Variants in DPRX observed in about 807,000 individuals in gnomAD.
DPRX encodes the protein divergent paired-related homeobox.
DPRX carries 11 observed loss-of-function variants against 8.4 expected under a neutral mutation model. That is an observed-to-expected ratio of 1.31 (90% confidence interval 0.82 to 2.17). The LOEUF is 2.17. DPRX is among the 30% of genes most tolerant of loss of function. DPRX has a pLI of 0.00. For missense variants in DPRX, 211 were observed against 236.7 expected (o/e 0.89, Z 0.71); for synonymous variants, 72 against 87.0 (o/e 0.83, Z 0.96).
chr19:53,633,160 T>G (rs8103231), intron 1 of DPRX, among the ~76,000 whole-genome samples: 128,581 of 152,076 alleles, frequency 0.85, 55,042 homozygotes, highest in East Asian at 0.95. Flanking sequence ...GCCGGGCATG[T>G]CAGTGTTGTG....
the DPRX span, among the ~76,000 whole-genome samples, chr19:53,608,603 G>T: frequency 6.6e-6 from 1 of 152,184 alleles, no homozygotes; most frequent in Non-Finnish European, 1.5e-5. Context: ...AGATGGAAGT[G>T]GCAGCTGCAC....
At position 53,636,596 on chromosome 19, in the gene DPRX, G is replaced by A. The variant is rs779696506; in HGVS notation, c.184G>A (p.Val62Ile). 7 of 1,605,378 alleles carry A rather than the reference G, an allele frequency of 4.4e-6. No homozygotes were observed. In the East Asian group the frequency reaches 1.1e-4, roughly 26 times the overall value. The change falls in exon 3 of 3, where the codon GTC (valine) becomes ATC (isoleucine). Residue 62 changes from valine to isoleucine, a missense_variant and splice_region_variant. Val to Ile is a conservative substitution (Grantham distance 29). Transcript: ENST00000376650. ...ATTCTCTTCTCTCTCTTCCCTTCAG[G>A]TCTGGTTCAAGAATCACAGAGCAAA...
At chr19:53,625,482 C>T in the DPRX span, among the ~76,000 whole-genome samples, 1,029 of 152,134 alleles carry the variant, frequency 6.8e-3, 11 homozygotes, top group African/African-American at 0.023. Flanking sequence ...TTCATGGGTG[C>T]ATTATACAAG....
the DPRX span, among the ~76,000 whole-genome samples, chr19:53,618,832 G>C: frequency 2.0e-5 from 3 of 151,758 alleles, no homozygotes; most frequent in African/African-American, 7.3e-5. Context: ...ACAGGCATAC[G>C]CCACCAAACC....
At chr19:53,611,743 C>T in the DPRX span, among the ~76,000 whole-genome samples, 1 of 152,112 alleles carries the variant, frequency 6.6e-6, no homozygotes, top group African/African-American at 2.4e-5. Context: ...TCCTGTTGCT[C>T]ACAGGATGGA....
At chr19:53,601,631 A>G in the DPRX span, among the ~76,000 whole-genome samples, 2 of 151,620 alleles carry the variant, frequency 1.3e-5, no homozygotes, top group African/African-American at 2.4e-5. Flanking sequence ...ACCGGCACAC[A>G]CCACCATGCC....
the DPRX span, among the ~76,000 whole-genome samples, chr19:53,620,740 GTGC>G: frequency 6.6e-6 from 1 of 152,022 alleles, no homozygotes; most frequent in African/African-American, 2.4e-5. Context: ...CCAGGCTGGA[GTGC>G]AGTGGCATGA....
chr19:53,621,682 G>T, the DPRX span, among the ~76,000 whole-genome samples: 1 of 151,970 alleles, frequency 6.6e-6, no homozygotes, highest in Non-Finnish European at 1.5e-5. Flanking sequence ...CTGCTAGGGA[G>T]GTTGAGGCAG....
At chr19:53,606,666 C>G in the DPRX span, 1 of 151,216 alleles carries the variant, frequency 6.6e-6, no homozygotes, top group East Asian at 1.9e-4. The surrounding 1 kb of genome is among the most constrained non-coding windows in gnomAD (Gnocchi z 4.8). Flanking sequence ...GGGTGGAGGG[C>G]TTCTTCTCCT....
In DPRX at chr19:53,632,449, C is replaced by T. The variant is rs945807315; in HGVS notation, c.28+315C>T. On this transcript the variant is annotated intron_variant, in intron 1 of 2. Coordinates refer to ENST00000376650, the Ensembl canonical transcript of DPRX. ...CCGAGTAGCTGGGATGACAGGCACA[C>T]GCCACCACACCTGGCTAATTTTTTT... 4.1e-5 allele frequency among the ~76,000 whole-genome samples: 6 copies of T among 147,852 alleles called. No homozygotes were observed. In the South Asian group the frequency reaches 6.6e-4, roughly 16 times the overall value.
chr19:53,606,731 G>A, the DPRX span: 1 of 149,828 alleles, frequency 6.7e-6, no homozygotes, highest in African/African-American at 2.5e-5. The surrounding 1 kb of genome is among the most constrained non-coding windows in gnomAD (Gnocchi z 4.8). Flanking sequence ...TCTCCTGCGG[G>A]ACAGGTATAT....
intron 2 of DPRX, 61 bp from the exon 3 acceptor site, chr19:53,636,535 T>A (rs566535716): frequency 4.0e-5 from 53 of 1,314,470 alleles, no homozygotes; most frequent in Middle Eastern, 5.9e-4. Context: ...AAAAATTTTT[T>A]AAAAATAGAA....
At chr19:53,603,194 T>C in the DPRX span, among the ~76,000 whole-genome samples, 1 of 151,518 alleles carries the variant, frequency 6.6e-6, no homozygotes, top group Non-Finnish European at 1.5e-5. Context: ...TGGGATTCCA[T>C]GTGTAATCCA....
At chr19:53,628,932 A>G (rs559717338), upstream of DPRX, among the ~76,000 whole-genome samples, 129 of 152,052 alleles carry the variant, frequency 8.5e-4, no homozygotes, top group African/African-American at 3.0e-3. Flanking sequence ...ATAAGCAGGT[A>G]TTCCCCACTC....
At chr19:53,620,348 T>C in the DPRX span, among the ~76,000 whole-genome samples, 4 of 151,910 alleles carry the variant, frequency 2.6e-5, no homozygotes, top group East Asian at 7.8e-4. Flanking sequence ...ACATTACAGG[T>C]GTGAGCCACC....
the DPRX span, among the ~76,000 whole-genome samples, chr19:53,623,149 C>CA: frequency 3.3e-5 from 5 of 150,714 alleles, no homozygotes; most frequent in African/African-American, 7.3e-5. Flanking sequence ...ACCAAAAATA[C>CA]AAAAAAAATT....
At chr19:53,626,149 G>A in the DPRX span, among the ~76,000 whole-genome samples, 1 of 152,104 alleles carries the variant, frequency 6.6e-6, no homozygotes, top group Non-Finnish European at 1.5e-5. Flanking sequence ...TGTTGCCCAG[G>A]CTGGTCACAA....
At chr19:53,632,332 ACT>A (rs1042465957) in intron 1 of DPRX, among the ~76,000 whole-genome samples, 198 bp downstream of exon 1, 75 of 151,814 alleles carry the variant, frequency 4.9e-4, no homozygotes, top group African/African-American at 1.7e-3. Flanking sequence ...AGACAGTCTC[ACT>A]CTGTCGCTCA....
Position 53,632,098 on chromosome 19 carries a change from G to A in DPRX, c.-9G>A, listed in dbSNP as rs1600570332. 4 of 1,613,974 alleles carry A rather than the reference G, an allele frequency of 2.5e-6. No homozygotes were observed. The Admixed American group carries it at 6.7e-5, about 27-fold the overall frequency. On this transcript the variant is annotated 5_prime_UTR_variant, in exon 1 of 3. Coordinates refer to ENST00000376650, the Ensembl canonical transcript of DPRX. Reference sequence around the variant, plus strand: ...GGACCTGAACCCAGGCGCACATCTGGATTAGAAGATGCCAGGCTCAGAGGA... The same window carrying A: ...GGACCTGAACCCAGGCGCACATCTGAATTAGAAGATGCCAGGCTCAGAGGA...
Sources: allele counts gnomAD v4.1 joint callset (sites outside exome capture counted in the v4.1 genomes callset), GRCh38; gene constraint gnomAD v4.1.1; non-coding constraint Gnocchi (gnomAD v3.1); transcripts MANE v1.5; gene names NCBI Gene and HGNC (gene_info 2026-07-23, HGNC 2026-07-21).